Variants in AFF2 observed in about 807,000 individuals in gnomAD.
AFF2 encodes AF4/FMR2 family member 2.
A neutral mutation model predicts 76.9 loss-of-function variants in AFF2; 14 were observed. That is an observed-to-expected ratio of 0.18 (90% CI 0.12 to 0.28). AFF2 has a LOEUF of 0.28. Ranked by LOEUF, AFF2 falls within the 10% of genes least tolerant of loss-of-function variation. The pLI is 1.00. For missense variants in AFF2, 868 were observed against 1,001.1 expected, an observed-to-expected ratio of 0.87 and a Z score of 1.79; for synonymous variants, 398 against 366.7, an observed-to-expected ratio of 1.09 and a Z score of -0.98.
chrX:148,802,119 A>G (rs1273520546), intron 3 of AFF2, among the ~76,000 whole-genome samples: 1 of 112,450 alleles, frequency 8.9e-6, no homozygotes, highest in African/African-American at 3.2e-5. Flanking sequence ...ATAATATGCT[A>G]TGCTATGCGG....
chrX:148,738,881 G>T (rs782468539), intron 3 of AFF2, among the ~76,000 whole-genome samples: 1 of 111,913 alleles, frequency 8.9e-6, no homozygotes, highest in South Asian at 3.7e-4. Context: ...TTGACCCCAT[G>T]CTCATTCAGG....
chrX:148,618,716 G>A (rs1223823647), intron 1 of AFF2, among the ~76,000 whole-genome samples: 1 of 111,788 alleles, frequency 8.9e-6, no homozygotes, highest in East Asian at 2.8e-4. Flanking sequence ...CATGTTAGCT[G>A]GGACAGTTTA....
intron 3 of AFF2, among the ~76,000 whole-genome samples, chrX:148,711,340 A>G (rs1569553984): frequency 8.9e-6 from 1 of 112,101 alleles, no homozygotes; most frequent in African/African-American, 3.2e-5. Flanking sequence ...TAGCATTATT[A>G]GAAAATCTAC....
intron 3 of AFF2, among the ~76,000 whole-genome samples, chrX:148,714,486 A>G (rs2055004859): frequency 9.0e-6 from 1 of 111,581 alleles, no homozygotes; most frequent in African/African-American, 3.3e-5. Context: ...TATGTTCATC[A>G]TGTTTATTCT....
Position 148,581,447 on chromosome X carries a change from C to T in AFF2, c.48-70552C>T, listed in dbSNP as rs1227568804. Among the ~76,000 whole-genome samples, 4 of 66,466 alleles carry T rather than the reference C, an allele frequency of 6.0e-5. 1 individual carries two copies. Among genetic ancestry groups the T allele is most frequent in the African/African-American group, 2.3e-4 (4 of 17,305 alleles). The allele number at this position is 66,466 out of a possible 115,157, so 57.7% of individuals were successfully genotyped here. On this transcript the variant is annotated intron_variant, in intron 1 of 20. Transcript: ENST00000370460. ...ACGTCTACGTGTACACACATATATA[C>T]GTATACGTCTACGTGTACACACATA...
chrX:148,895,089 A>G (rs887343410), intron 8 of AFF2, among the ~76,000 whole-genome samples: 2 of 110,739 alleles, frequency 1.8e-5, no homozygotes, highest in Admixed American at 1.9e-4. Flanking sequence ...AAATTGTTAC[A>G]AAGTTCAGCT....
intron 8 of AFF2, among the ~76,000 whole-genome samples, chrX:148,887,017 A>G (rs145773648): frequency 9.7e-5 from 11 of 113,037 alleles, no homozygotes; most frequent in Middle Eastern, 4.6e-3. Context: ...CCATTCTGGT[A>G]TACTTTAAAA....
intron 7 of AFF2, among the ~76,000 whole-genome samples, chrX:148,846,610 C>T (rs913313080): frequency 2.7e-5 from 3 of 111,353 alleles, no homozygotes; most frequent in Non-Finnish European, 3.8e-5. Flanking sequence ...TCCCACCCCT[C>T]AGCCTCTATG....
At chrX:148,821,989 G>A (rs1433008027) in intron 4 of AFF2, among the ~76,000 whole-genome samples, 1 of 111,565 alleles carries the variant, frequency 9.0e-6, no homozygotes, top group East Asian at 2.8e-4. Flanking sequence ...TTCCACCCAA[G>A]GTACAATAAT....
intron 16 of AFF2, among the ~76,000 whole-genome samples, chrX:148,975,321 A>G (rs975443473): frequency 4.4e-5 from 5 of 112,438 alleles, no homozygotes; most frequent in African/African-American, 1.6e-4. Context: ...ATGTAATAGC[A>G]CACAATTGGA....
At chrX:148,790,696 G>A (rs1237326528) in intron 3 of AFF2, among the ~76,000 whole-genome samples, 1 of 102,910 alleles carries the variant, frequency 9.7e-6, no homozygotes, top group African/African-American at 3.5e-5. Flanking sequence ...TGGGGGTGGG[G>A]TTGGGGGAGG....
intron 1 of AFF2, among the ~76,000 whole-genome samples, chrX:148,613,453 G>T (rs1311950193): frequency 9.0e-6 from 1 of 111,564 alleles, no homozygotes; most frequent in Admixed American, 9.5e-5. Context: ...GCAAAAAAAA[G>T]ACCCTTCACT....
chrX:148,715,551 C>A, intron 3 of AFF2, among the ~76,000 whole-genome samples: 1 of 111,448 alleles, frequency 9.0e-6, no homozygotes, highest in South Asian at 3.9e-4. Context: ...ACAGAGAAGT[C>A]TCTTGCACAT....
At chrX:148,712,281 C>G (rs376013314) in intron 3 of AFF2, among the ~76,000 whole-genome samples, 2 of 111,233 alleles carry the variant, frequency 1.8e-5, no homozygotes, top group Admixed American at 1.9e-4. Flanking sequence ...GGAATGTTGC[C>G]GTATGCCAAA....
intron 1 of AFF2, among the ~76,000 whole-genome samples, chrX:148,517,014 C>T (rs782790784): frequency 1.8e-5 from 2 of 111,853 alleles, no homozygotes; most frequent in South Asian, 7.5e-4. Context: ...AGTATAGTGC[C>T]TCCTGAAGAG....
intron 4 of AFF2, among the ~76,000 whole-genome samples, chrX:148,816,019 T>C (rs1224108408): frequency 8.9e-6 from 1 of 112,065 alleles, no homozygotes; most frequent in Non-Finnish European, 1.9e-5. Context: ...CTGTTTTCTG[T>C]ATCTTGGGTG....
At chrX:148,839,572 C>T (rs2070571153) in intron 5 of AFF2, among the ~76,000 whole-genome samples, 1 of 111,453 alleles carries the variant, frequency 9.0e-6, no homozygotes, top group Non-Finnish European at 1.9e-5. Context: ...CTGGCACCAG[C>T]GGTCATACTG....
chrX:148,781,686 C>T (rs2069747091), intron 3 of AFF2, among the ~76,000 whole-genome samples: 1 of 111,726 alleles, frequency 9.0e-6, no homozygotes, highest in Non-Finnish European at 1.9e-5. Flanking sequence ...CTGGCTTCAG[C>T]CTTCTTTCCA....
At chrX:148,882,927 T>C (rs1362161478) in intron 7 of AFF2, among the ~76,000 whole-genome samples, 1 of 111,951 alleles carries the variant, frequency 8.9e-6, no homozygotes, top group Admixed American at 9.5e-5. Context: ...GGGACTTAAA[T>C]GTATGCATCA....
Sources: allele counts gnomAD v4.1 joint callset (sites outside exome capture counted in the v4.1 genomes callset), GRCh38; gene constraint gnomAD v4.1.1; transcripts MANE v1.5; gene names NCBI Gene and HGNC (gene_info 2026-07-23, HGNC 2026-07-21).